The following LRRC37B variants were observed in gnomAD, a reference collection of about 807,000 sequenced individuals.
LRRC37B encodes the protein leucine rich repeat containing 37B.
Under a neutral mutation model 98.3 loss-of-function variants are expected in LRRC37B, and 28 were observed. That is an observed-to-expected ratio of 0.28 (90% CI 0.21 to 0.39). LRRC37B has a LOEUF of 0.39. Among genes scored for constraint, LRRC37B ranks in the 10% least tolerant of loss-of-function variants. The probability of loss-of-function intolerance (pLI) is 1.00; values close to 1 mark genes in which losing one functional copy is unlikely to be tolerated. For missense variants in LRRC37B, 938 were observed against 1,182.7 expected, an observed-to-expected ratio of 0.79 and a Z score of 3.03; for synonymous variants, 364 against 442.7, an observed-to-expected ratio of 0.82 and a Z score of 2.23.
upstream of LRRC37B, among the ~76,000 whole-genome samples, chr17:32,019,117 G>GT (rs1261972247): frequency 6.6e-6 from 1 of 152,118 alleles, no homozygotes; most frequent in African/African-American, 2.4e-5. Context: ...AGGAGAGACT[G>GT]TTTTTCGCCA....
intron 1 of LRRC37B, 64 bp downstream of exon 4, chr17:32,022,889 G>A: frequency 1.4e-6 from 2 of 1,478,492 alleles, no homozygotes; most frequent in Non-Finnish European, 9.4e-7. Context: ...TTTTCCTGGA[G>A]GCCTTCCTGG....
upstream of LRRC37B, among the ~76,000 whole-genome samples, chr17:32,020,132 CTG>C (rs1910728813): frequency 6.6e-6 from 1 of 152,206 alleles, no homozygotes; most frequent in South Asian, 2.1e-4. Context: ...GTGTGAGCCA[CTG>C]TGCACAGCCC....
chr17:32,037,947 TAC>T (rs577973558), intron 7 of LRRC37B, among the ~76,000 whole-genome samples: 11 of 150,394 alleles, frequency 7.3e-5, no homozygotes, highest in South Asian at 2.1e-4. Flanking sequence ...CTCTACTAAA[TAC>T]ACACACACAC....
At chr17:32,031,437 G>T in exon 5 of LRRC37B, 1 of 1,608,448 alleles carries the variant, frequency 6.2e-7, no homozygotes, top group East Asian at 2.2e-5. Context: ...GCCTGGCACG[G>T]AATGCAGTTT....
chr17:32,018,906 C>T (rs1910703507), upstream of LRRC37B, among the ~76,000 whole-genome samples: 1 of 152,080 alleles, frequency 6.6e-6, no homozygotes, highest in Admixed American at 6.6e-5. Context: ...GGAGCTCTCC[C>T]TACACAGGCA....
intron 11 of LRRC37B, chr17:32,052,197 T>G (rs184381979): frequency 6.6e-6 from 1 of 151,974 alleles, no homozygotes; most frequent in African/African-American, 2.4e-5. Context: ...TCCTTTCTTT[T>G]TTTTTTCTTT....
chr17:32,020,730 C>T (rs1277648643), upstream of LRRC37B: 14 of 450,738 alleles, frequency 3.1e-5, no homozygotes, highest in African/African-American at 4.1e-5. Flanking sequence ...AGAGTATTCT[C>T]GGATTTCACC....
At chr17:32,022,772 C>G in exon 1 of LRRC37B, 3 of 1,613,990 alleles carry the variant, frequency 1.9e-6, no homozygotes, top group South Asian at 1.1e-5. Context: ...AGCAGAGGCT[C>G]CGCCAAGTGC....
At chr17:32,014,254 A>G (rs1302369828) in intron 1 of LRRC37B, among the ~76,000 whole-genome samples, 1 of 152,218 alleles carries the variant, frequency 6.6e-6, no homozygotes, top group Non-Finnish European at 1.5e-5. Flanking sequence ...ATGGCCCACA[A>G]TGAAGATATA....
In LRRC37B at chr17:32,046,766, C is replaced by T. The variant is rs562607345; in HGVS notation, c.2323+948C>T. The stretch of plus-strand genomic sequence containing the variant: ...TCCCCAATTCTGGGTTCTCCCCAAG[C>T]CCATGTTTCTCCTTTCTCGCAATCT... On this transcript the variant is annotated intron_variant, in intron 8 of 11. Coordinates refer to ENST00000327564, the Ensembl canonical transcript of LRRC37B. 3.9e-5 allele frequency among the ~76,000 whole-genome samples: 6 copies of T among 152,266 alleles called. No individual in the cohort carries two copies. In the East Asian group the frequency reaches 1.2e-3, roughly 29 times the overall value.
upstream of LRRC37B, chr17:32,017,182 C>T (rs1422090349): frequency 6.6e-6 from 1 of 152,160 alleles, no homozygotes; most frequent in African/African-American, 2.4e-5. Flanking sequence ...GTCTGTAGAG[C>T]ATGTGGGCCA....
chr17:32,043,838 C>T (rs1239146283), intron 7 of LRRC37B, among the ~76,000 whole-genome samples: 1 of 149,204 alleles, frequency 6.7e-6, no homozygotes, highest in Non-Finnish European at 1.5e-5. Context: ...CTTAATGTGG[C>T]CCTAACAAAG....
In LRRC37B at chr17:32,049,474, T is replaced by G. The variant is rs1020896487; in HGVS notation, c.2757+80T>G. On this transcript the variant is annotated intron_variant, in intron 10 of 11. Transcript: ENST00000327564. ...AGGAGAGTGCCCACATAGGAGAACC[T>G]GGGACTCCCAGGCCATAGCTTGTCT... is the stretch of plus-strand genomic sequence containing the variant. 6 of 1,455,616 alleles carry G rather than the reference T, an allele frequency of 4.1e-6. No individual in the cohort carries two copies. The African/African-American group carries it at 8.7e-5, about 21-fold the overall frequency. The allele number at this position is 1,455,616 out of a possible 1,614,324, so 90.2% of individuals were successfully genotyped here.
chr17:32,023,656 C>T (rs496286), intron 1 of LRRC37B, among the ~76,000 whole-genome samples: 15 of 151,734 alleles, frequency 9.9e-5, no homozygotes, highest in East Asian at 5.8e-4. Context: ...TGAGTGAATA[C>T]ATGGAACACT....
chr17:32,051,076 C>G (rs947891055), intron 11 of LRRC37B: 8 of 152,670 alleles, frequency 5.2e-5, no homozygotes, highest in African/African-American at 1.7e-4. Flanking sequence ...ACACCGTCCC[C>G]ATTGCTGCTT....
Position 32,027,759 on chromosome 17 carries a change from C to G in LRRC37B, c.1833-10C>G. 1 of 1,597,652 alleles carries G rather than the reference C, an allele frequency of 6.3e-7. No individual in the cohort carries two copies. Among genetic ancestry groups the G allele is most frequent in the East Asian group, 2.2e-5 (1 of 44,540 alleles). ...CATTTTAACCTAGAAATAACTTTTT[C>G]ATTTTCCAGAATTCTCAGTGAAAAT... On this transcript the variant is annotated splice_polypyrimidine_tract_variant and intron_variant, in intron 2 of 11. Transcript: ENST00000327564.
chr17:32,022,667 T>C, exon 1 of LRRC37B: 1 of 1,614,022 alleles, frequency 6.2e-7, no homozygotes, highest in South Asian at 1.1e-5. Context: ...AGTCTGAAAC[T>C]GCACCAGAGG....
intron 11 of LRRC37B, 43 bp from the exon 15 acceptor site, chr17:32,053,223 T>A: frequency 7.3e-7 from 1 of 1,369,628 alleles, no homozygotes; most frequent in African/African-American, 1.4e-5. Context: ...GAGATAGTGG[T>A]TGTTGTGATA....
At chr17:32,025,715 A>G (rs1398645960) in intron 2 of LRRC37B, among the ~76,000 whole-genome samples, 2 of 152,198 alleles carry the variant, frequency 1.3e-5, no homozygotes, top group Non-Finnish European at 2.9e-5. Context: ...CCCATTGATG[A>G]ATGTTGAGCT....
Sources: allele counts gnomAD v4.1 joint callset (sites outside exome capture counted in the v4.1 genomes callset), GRCh38; gene constraint gnomAD v4.1.1; transcripts MANE v1.5; gene names NCBI Gene and HGNC (gene_info 2026-07-23, HGNC 2026-07-21).